CNTNAP2: variants seen among roughly 807,000 people sequenced by gnomAD.
CNTNAP2 encodes contactin associated protein 2, also known as contactin-associated protein-like 2.
A neutral mutation model predicts 155.2 loss-of-function variants in CNTNAP2; 98 were observed. The observed-to-expected ratio is 0.63, with a 90% CI of 0.54 to 0.75. CNTNAP2 has a LOEUF of 0.75. CNTNAP2 is among the 30% of genes least tolerant of loss of function. The probability of loss-of-function intolerance (pLI) is 0.00; values close to 1 mark genes in which losing one functional copy is unlikely to be tolerated. For missense variants in CNTNAP2, 1,727 were observed against 1,688.1 expected (o/e 1.02, Z -0.40); for synonymous variants, 651 against 631.2 (o/e 1.03, Z -0.47).
intron 9 of CNTNAP2, among the ~76,000 whole-genome samples, chr7:147,354,499 C>T (rs1370048421): frequency 6.6e-6 from 1 of 152,096 alleles, no homozygotes; most frequent in African/African-American, 2.4e-5. Context: ...GTCTATATCT[C>T]TGTTTTGGTA....
chr7:147,639,294 T>C lies in CNTNAP2; in HGVS notation c.2086T>C (p.Leu696=), dbSNP rs1444774074. 5 of 1,614,028 alleles carry C rather than the reference T, an allele frequency of 3.1e-6. No homozygotes were observed. In the Middle Eastern group the frequency reaches 5.0e-4, roughly 160 times the overall value. ...VSYFCKMSRL[L]NTPDGSPYTW... Reference sequence around the variant, plus strand: ...CTATTTCTGCAAGATGTCAAGATTGTTGAACACCCCAGGTAGGCTGAGAAT... The same window carrying C: ...CTATTTCTGCAAGATGTCAAGATTGCTGAACACCCCAGGTAGGCTGAGAAT... Residue 696 remains leucine, a synonymous_variant, in exon 13 of 24, where the codon TTG becomes CTG. Coordinates refer to ENST00000361727, the MANE Select transcript of CNTNAP2 (RefSeq NM_014141.6).
intron 13 of CNTNAP2, among the ~76,000 whole-genome samples, chr7:147,689,109 T>C (rs1796053742): frequency 7.0e-6 from 1 of 143,502 alleles, no homozygotes; most frequent in Non-Finnish European, 1.5e-5. Context: ...TATTACAGGA[T>C]TTTTTTTTTA....
At chr7:148,237,299 G>C (rs1175232253) in intron 20 of CNTNAP2, among the ~76,000 whole-genome samples, 1 of 152,108 alleles carries the variant, frequency 6.6e-6, no homozygotes, top group Non-Finnish European at 1.5e-5. Context: ...TATATAAATA[G>C]GCTGATAAAA....
intron 16 of CNTNAP2, among the ~76,000 whole-genome samples, chr7:148,145,863 T>C (rs555506261): frequency 6.6e-6 from 1 of 152,318 alleles, no homozygotes; most frequent in African/African-American, 2.4e-5. Context: ...TTAGATGAGA[T>C]ATTTTTCTGA....
chr7:148,038,816 A>C (rs1028172590), intron 15 of CNTNAP2, among the ~76,000 whole-genome samples: 1 of 143,084 alleles, frequency 7.0e-6, no homozygotes, highest in Non-Finnish European at 1.5e-5. Flanking sequence ...AAGCAATAGG[A>C]TGGATGGATA....
chr7:148,195,329 C>T (rs1456862974), intron 18 of CNTNAP2, among the ~76,000 whole-genome samples: 1 of 152,048 alleles, frequency 6.6e-6, no homozygotes, highest in Non-Finnish European at 1.5e-5. Context: ...TTTCTTGGTC[C>T]TGGAGATGTT....
chr7:146,624,066 CGT>C (rs1389675448), intron 1 of CNTNAP2, among the ~76,000 whole-genome samples: 1 of 151,672 alleles, frequency 6.6e-6, no homozygotes, highest in Non-Finnish European at 1.5e-5. Flanking sequence ...TTTTTGATAC[CGT>C]GTCTTTTTGA....
chr7:147,425,562 A>G (rs1236909201), intron 10 of CNTNAP2, among the ~76,000 whole-genome samples: 2 of 152,056 alleles, frequency 1.3e-5, no homozygotes, highest in African/African-American at 2.4e-5. Context: ...CCTCACAATC[A>G]TCTATTTGCT....
rs202156090 is a variant in CNTNAP2, at chr7:147,554,597, T to TA, written c.1778-7534dup. On this transcript the variant is annotated intron_variant, in intron 11 of 23. Coordinates refer to ENST00000361727, the MANE Select transcript of CNTNAP2 (RefSeq NM_014141.6). ...CAAGAAATTGAAACTTTGTCTTTTT[T>TA]AAAAAAATCCTAATTTCCTCCCTCC... is the stretch of plus-strand genomic sequence containing the variant. 3.6e-3 allele frequency among the ~76,000 whole-genome samples: 548 copies of TA among 152,256 alleles called. 7 individuals are homozygous for TA. The highest frequency in any genetic ancestry group is 0.012 in the African/African-American group (508 of 41,548).
At chr7:146,636,239 G>T (rs1480267316) in intron 1 of CNTNAP2, among the ~76,000 whole-genome samples, 2 of 152,024 alleles carry the variant, frequency 1.3e-5, no homozygotes, top group Non-Finnish European at 2.9e-5. Flanking sequence ...TGAATGTGCT[G>T]GTGATTACCA....
At chr7:146,678,572 CAGT>C (rs1430545952) in intron 1 of CNTNAP2, among the ~76,000 whole-genome samples, 2 of 152,098 alleles carry the variant, frequency 1.3e-5, no homozygotes, top group African/African-American at 4.8e-5. Context: ...CCACAGTACT[CAGT>C]AGGACCTATT....
chr7:147,176,006 C>T (rs1386397386), intron 8 of CNTNAP2, among the ~76,000 whole-genome samples: 1 of 152,118 alleles, frequency 6.6e-6, no homozygotes, highest in Admixed American at 6.5e-5. Flanking sequence ...TAAAGAAGGA[C>T]ATTTTGTGTG....
intron 15 of CNTNAP2, among the ~76,000 whole-genome samples, chr7:148,040,833 G>A (rs1227114053): frequency 7.1e-6 from 1 of 140,018 alleles, no homozygotes; most frequent in Non-Finnish European, 1.5e-5. Flanking sequence ...GAAATGGAAA[G>A]AGAGCAAATT....
intron 13 of CNTNAP2, among the ~76,000 whole-genome samples, chr7:147,834,750 A>G (rs1057292868): frequency 6.6e-6 from 1 of 152,174 alleles, no homozygotes; most frequent in African/African-American, 2.4e-5. Context: ...TTTTTGTCAT[A>G]AATAAATACA....
Position 148,402,966 on chromosome 7 carries a change from C to T in CNTNAP2, c.3716-6425C>T, listed in dbSNP as rs116075303. ...GTTTTGTTTGCAATTGGTTTCTGAG[C>T]CTAAATATTTTGAAACTTAGTAAAT... On this transcript the variant is annotated intron_variant, in intron 22 of 23. Coordinates refer to ENST00000361727, the MANE Select transcript of CNTNAP2 (RefSeq NM_014141.6). Among the ~76,000 whole-genome samples the T allele has an allele frequency of 5.1e-3, 695 of 135,172 alleles. 5 individuals carry two copies. The highest frequency in any genetic ancestry group is 0.018 in the African/African-American group (636 of 35,378). The allele number at this position is 135,172 out of a possible 152,430, so 88.7% of individuals were successfully genotyped here.
At chr7:146,253,228 A>G (rs770514229) in intron 1 of CNTNAP2, among the ~76,000 whole-genome samples, 2 of 152,106 alleles carry the variant, frequency 1.3e-5, no homozygotes, top group Non-Finnish European at 2.9e-5. Flanking sequence ...CGCCTCTGTG[A>G]GTCTGTATCC....
chr7:147,903,271 C>G (rs1415027036), intron 13 of CNTNAP2, among the ~76,000 whole-genome samples: 1 of 152,016 alleles, frequency 6.6e-6, no homozygotes, highest in Non-Finnish European at 1.5e-5. Context: ...TTTTGTATAT[C>G]TTATTTTGAG....
chr7:148,100,850 A>G (rs1013041871), intron 15 of CNTNAP2, among the ~76,000 whole-genome samples: 1 of 152,152 alleles, frequency 6.6e-6, no homozygotes, highest in Non-Finnish European at 1.5e-5. Flanking sequence ...TAGCGGCACT[A>G]TTCACAACAG....
chr7:146,184,914 A>G (rs113807890), intron 1 of CNTNAP2, among the ~76,000 whole-genome samples: 2,166 of 152,274 alleles, frequency 0.014, 47 homozygotes, highest in African/African-American at 0.048. Context: ...TTTCTATTTT[A>G]CAAGTGTCAC....
Sources: allele counts gnomAD v4.1 joint callset (sites outside exome capture counted in the v4.1 genomes callset), GRCh38; gene constraint gnomAD v4.1.1; transcripts MANE v1.5; gene names NCBI Gene and HGNC (gene_info 2026-07-23, HGNC 2026-07-21).